The following THSD7B variants were observed in gnomAD, a reference collection of about 807,000 sequenced individuals.
The protein encoded by THSD7B is thrombospondin type 1 domain containing 7B.
THSD7B carries 138 observed loss-of-function variants against 213.6 expected under a neutral mutation model. The ratio of observed to expected loss-of-function variants is 0.65; its 90% CI spans 0.56 to 0.74. The LOEUF is 0.74. Among genes scored for constraint, THSD7B ranks in the 30% least tolerant of loss-of-function variants. THSD7B has a pLI of 0.00. For synonymous variants in THSD7B, 742 were observed against 687.0 expected, an observed-to-expected ratio of 1.08 and a Z score of -1.25; for missense variants, 1,931 against 1,991.5, an observed-to-expected ratio of 0.97 and a Z score of 0.58.
At chr2:136,871,457 A>G (rs1683431448) in intron 1 of THSD7B, among the ~76,000 whole-genome samples, 2 of 152,124 alleles carry the variant, frequency 1.3e-5, no homozygotes, top group African/African-American at 4.8e-5. Context: ...CCTGAGAGAA[A>G]TAAGACAAAT....
chr2:137,473,220 G>A (rs1330194751), intron 15 of THSD7B, among the ~76,000 whole-genome samples: 1 of 150,628 alleles, frequency 6.6e-6, no homozygotes, highest in South Asian at 2.1e-4. Flanking sequence ...TTGTTTGTTT[G>A]TTTGTTTGTT....
chr2:137,553,863 T>A (rs186797513), intron 15 of THSD7B, among the ~76,000 whole-genome samples: 1 of 152,286 alleles, frequency 6.6e-6, no homozygotes, highest in East Asian at 1.9e-4. Context: ...CATAAAAGAC[T>A]GACATGAGAA....
At chr2:137,355,039 A>T (rs2104926141) in intron 12 of THSD7B, among the ~76,000 whole-genome samples, 1 of 152,334 alleles carries the variant, frequency 6.6e-6, no homozygotes, top group Non-Finnish European at 1.5e-5. Flanking sequence ...TGTAGTAAGC[A>T]TCCACCATGA....
chr2:136,975,323 G>T (rs184322388), intron 2 of THSD7B, among the ~76,000 whole-genome samples: 1 of 152,086 alleles, frequency 6.6e-6, no homozygotes, highest in East Asian at 1.9e-4. Flanking sequence ...GGGTTTTATA[G>T]TTTTGGGCTT....
intron 12 of THSD7B, among the ~76,000 whole-genome samples, chr2:137,282,301 T>G (rs1456442957): frequency 1.3e-5 from 2 of 152,230 alleles, no homozygotes; most frequent in African/African-American, 4.8e-5. Context: ...ATTCTGGATA[T>G]TAGCCCTTTG....
At chr2:137,151,836 C>T (rs377121117) in intron 5 of THSD7B, among the ~76,000 whole-genome samples, 26 of 152,114 alleles carry the variant, frequency 1.7e-4, no homozygotes, top group African/African-American at 5.8e-4. Context: ...ACTGTGATGT[C>T]CTTAGGCAAC....
chr2:137,610,467 C>A (rs772913262), intron 17 of THSD7B, among the ~76,000 whole-genome samples: 2 of 152,092 alleles, frequency 1.3e-5, no homozygotes, highest in East Asian at 1.9e-4. Context: ...TGGAGTACCC[C>A]CTTCGGTTCT....
intron 5 of THSD7B, among the ~76,000 whole-genome samples, chr2:137,149,948 A>C (rs1480526460): frequency 1.3e-5 from 2 of 152,198 alleles, no homozygotes; most frequent in Non-Finnish European, 2.9e-5. Context: ...ACATTTTGAA[A>C]TGTGAAGACA....
intron 12 of THSD7B, among the ~76,000 whole-genome samples, chr2:137,280,496 G>T (rs1682980936): frequency 6.6e-6 from 1 of 152,062 alleles, no homozygotes; most frequent in Non-Finnish European, 1.5e-5. Context: ...TTGGTTCATG[G>T]TTAAGATTTC....
At chr2:137,185,420 G>C (rs1438028769) in intron 7 of THSD7B, among the ~76,000 whole-genome samples, 2 of 151,996 alleles carry the variant, frequency 1.3e-5, no homozygotes. Flanking sequence ...ATACTCTCCA[G>C]TATCTATTGT....
chr2:136,943,506 G>T (rs1183921432), intron 2 of THSD7B, among the ~76,000 whole-genome samples: 1 of 152,086 alleles, frequency 6.6e-6, no homozygotes, highest in Non-Finnish European at 1.5e-5. Flanking sequence ...GAATCTGTCT[G>T]GTCCTGGACT....
At chr2:137,329,862 C>T (rs539476700) in intron 12 of THSD7B, among the ~76,000 whole-genome samples, 7 of 152,240 alleles carry the variant, frequency 4.6e-5, no homozygotes, top group South Asian at 4.2e-4. Flanking sequence ...CTCTAGGGCA[C>T]GTCAGAGACC....
chr2:137,218,868 C>T (rs922053102), intron 7 of THSD7B, among the ~76,000 whole-genome samples: 2 of 151,912 alleles, frequency 1.3e-5, no homozygotes, highest in African/African-American at 4.8e-5. Flanking sequence ...TAACGGCTCT[C>T]TGTTTTCTGT....
intron 17 of THSD7B, 49 bp downstream of exon 17, chr2:137,572,605 A>G (rs780545648): frequency 1.2e-6 from 2 of 1,602,236 alleles, no homozygotes. Context: ...TGTTGCCTTC[A>G]CTGTTGTTCG....
At chr2:137,330,699 A>G (rs1375499577) in intron 12 of THSD7B, among the ~76,000 whole-genome samples, 5 of 152,058 alleles carry the variant, frequency 3.3e-5, no homozygotes, top group Admixed American at 2.0e-4. Flanking sequence ...GGTGAGTGTT[A>G]CGGCTCATAA....
intron 10 of THSD7B, among the ~76,000 whole-genome samples, chr2:137,265,250 A>G (rs1302334475): frequency 6.6e-6 from 1 of 152,214 alleles, no homozygotes; most frequent in Non-Finnish European, 1.5e-5. Flanking sequence ...AATGCAAATC[A>G]AAACCACAAT....
rs370905721 is a variant in THSD7B, at chr2:137,177,465, CTCTTA to C, written c.1723+6532_1723+6536del. On this transcript the variant is annotated intron_variant, in intron 7 of 27. Transcript: ENST00000409968. ...TCTGAAATGTTGGAGAGACATGGTG[CTCTTA>C]TCTTGTTTCTTCTAGATCAGTGGTT... 4.8e-4 allele frequency among the ~76,000 whole-genome samples: 73 copies of C among 152,288 alleles called. 1 individual carries two copies. In the East Asian group the frequency reaches 0.01, roughly 21 times the overall value.
At chr2:136,781,267 ATT>A (rs10687137) in intron 1 of THSD7B, among the ~76,000 whole-genome samples, 7 of 125,754 alleles carry the variant, frequency 5.6e-5, no homozygotes, top group Non-Finnish European at 6.6e-5. Flanking sequence ...TACCAGTTCT[ATT>A]TTTTTTTTTT....
intron 6 of THSD7B, among the ~76,000 whole-genome samples, chr2:137,165,419 T>G (rs1217072488): frequency 6.6e-6 from 1 of 152,180 alleles, no homozygotes; most frequent in Non-Finnish European, 1.5e-5. Flanking sequence ...TCCTTCAAGG[T>G]ATCCAAGCAT....
Sources: gnomAD v4.1 joint callset for allele counts (sites outside exome capture counted in the v4.1 genomes callset) on GRCh38, gnomAD v4.1.1 for gene constraint, MANE v1.5 for transcripts, NCBI Gene and HGNC (gene_info 2026-07-23, HGNC 2026-07-21) for gene names.